The following CADM2 variants were observed in gnomAD, a reference collection of about 807,000 sequenced individuals.
The protein encoded by CADM2 is cell adhesion molecule 2, also known as immunoglobulin superfamily member 4D.
CADM2 carries 12 observed loss-of-function variants against 49.8 expected under a neutral mutation model. The observed-to-expected ratio is 0.24, with a 90% CI of 0.15 to 0.39. CADM2 has a LOEUF of 0.39. Ranked by LOEUF, CADM2 falls within the 10% of genes least tolerant of loss-of-function variation. The probability of loss-of-function intolerance (pLI) is 1.00; values close to 1 mark genes in which losing one functional copy is unlikely to be tolerated. For synonymous variants in CADM2, 214 were observed against 175.4 expected, an observed-to-expected ratio of 1.22 and a Z score of -1.74; for missense variants, 378 against 492.3, an observed-to-expected ratio of 0.77 and a Z score of 2.20.
intron 1 of CADM2, among the ~76,000 whole-genome samples, chr3:85,473,016 T>C (rs1275090964): frequency 6.6e-6 from 1 of 152,078 alleles, no homozygotes; most frequent in Non-Finnish European, 1.5e-5. Context: ...CTATCATATA[T>C]ATGTAATGAA....
rs372620986 is a variant in CADM2, at chr3:85,340,181, G to T, written c.61+380513G>T. Among the ~76,000 whole-genome samples the T allele has an allele frequency of 4.0e-5, 6 of 151,336 alleles. No homozygotes were observed. In the East Asian group the frequency reaches 9.7e-4, roughly 24 times the overall value. ...ACCTTAGCATTGCATACTTAAAAAA[G>T]CATTTCCTATAACTCTATGAATATA... On this transcript the variant is annotated intron_variant, in intron 1 of 9. Transcript: ENST00000383699.
intron 3 of CADM2, among the ~76,000 whole-genome samples, chr3:85,815,374 G>C (rs1559677633): frequency 6.6e-6 from 1 of 152,086 alleles, no homozygotes; most frequent in Admixed American, 6.6e-5. Flanking sequence ...GTATCCAGCA[G>C]CACATCAAAA....
At chr3:85,112,542 G>T (rs916820699) in intron 1 of CADM2, among the ~76,000 whole-genome samples, 3 of 151,656 alleles carry the variant, frequency 2.0e-5, no homozygotes, top group Non-Finnish European at 4.4e-5. Context: ...ATTTCACCCC[G>T]TATAAAGTTG....
chr3:85,744,800 G>C (rs2107837413), intron 2 of CADM2, among the ~76,000 whole-genome samples: 1 of 152,198 alleles, frequency 6.6e-6, no homozygotes, highest in South Asian at 2.1e-4. Context: ...TGAAATTGGT[G>C]GGGTAACAGG....
At chr3:85,004,366 A>G (rs943967341) in intron 1 of CADM2, among the ~76,000 whole-genome samples, 7 of 152,134 alleles carry the variant, frequency 4.6e-5, no homozygotes, top group African/African-American at 1.4e-4. Context: ...TTGTTCATTC[A>G]ATATTCACAA....
chr3:85,967,111 C>A lies in CADM2; in HGVS notation c.970+5464C>A, dbSNP rs1160541679. On this transcript the variant is annotated intron_variant, in intron 8 of 9. Coordinates refer to ENST00000383699, the MANE Select transcript of CADM2 (RefSeq NM_001167675.2). Reference sequence around the variant, plus strand: ...ATAAATGTCAAAAAACACTCAAAGACAGAAAATCGTACACATAGATATTAT... The same window carrying A: ...ATAAATGTCAAAAAACACTCAAAGAAAGAAAATCGTACACATAGATATTAT... Among the ~76,000 whole-genome samples the A allele has an allele frequency of 4.0e-5, 6 of 151,574 alleles. No individual in the cohort carries two copies. The Admixed American group carries it at 4.0e-4, about 10-fold the overall frequency.
chr3:85,971,248 C>G (rs1198844353), intron 8 of CADM2, among the ~76,000 whole-genome samples: 1 of 151,504 alleles, frequency 6.6e-6, no homozygotes, highest in Non-Finnish European at 1.5e-5. Context: ...ACGTCATGTG[C>G]AAACGTTTTT....
chr3:85,731,577 G>T (rs968127350), intron 2 of CADM2, among the ~76,000 whole-genome samples: 1 of 151,958 alleles, frequency 6.6e-6, no homozygotes. Context: ...GTAGTCCTAG[G>T]TAAGTCCCAA....
chr3:85,860,983 CA>C (rs2075509626), intron 3 of CADM2, among the ~76,000 whole-genome samples: 1 of 152,112 alleles, frequency 6.6e-6, no homozygotes, highest in Non-Finnish European at 1.5e-5. Context: ...AGGGGGACAG[CA>C]GTGTGACATG....
intron 2 of CADM2, among the ~76,000 whole-genome samples, chr3:85,727,073 A>G (rs766160032): frequency 6.6e-6 from 1 of 152,110 alleles, no homozygotes; most frequent in Non-Finnish European, 1.5e-5. Flanking sequence ...TAAAAGATGC[A>G]CATGTCCAAC....
At chr3:85,479,557 C>T (rs1004796193) in intron 1 of CADM2, among the ~76,000 whole-genome samples, 10 of 151,876 alleles carry the variant, frequency 6.6e-5, no homozygotes, top group African/African-American at 1.7e-4. Flanking sequence ...ATTCAGATTC[C>T]GATTTGTCTC....
chr3:85,979,862 T>C (rs13327074), intron 8 of CADM2, among the ~76,000 whole-genome samples: 14,815 of 151,668 alleles, frequency 0.098, 876 homozygotes, highest in Non-Finnish European at 0.13. Flanking sequence ...TAAAAGTAAA[T>C]ATCTGTTGTC....
At chr3:85,829,991 C>G in intron 3 of CADM2, among the ~76,000 whole-genome samples, 1 of 151,934 alleles carries the variant, frequency 6.6e-6, no homozygotes, top group East Asian at 1.9e-4. Context: ...GTGCAGATAT[C>G]TCTTCCACAT....
chr3:85,795,000 G>A (rs1457490227), intron 2 of CADM2, among the ~76,000 whole-genome samples: 1 of 151,810 alleles, frequency 6.6e-6, no homozygotes, highest in Non-Finnish European at 1.5e-5. Flanking sequence ...TGTTTTTGGG[G>A]TACAATGTGA....
intron 1 of CADM2, among the ~76,000 whole-genome samples, chr3:85,011,058 G>T (rs544691479): frequency 6.6e-6 from 1 of 151,440 alleles, no homozygotes; most frequent in Non-Finnish European, 1.5e-5. Flanking sequence ...TAGAGACGGG[G>T]TTTCACCGTG....
At chr3:85,335,022 T>C (rs563113170) in intron 1 of CADM2, among the ~76,000 whole-genome samples, 1 of 151,584 alleles carries the variant, frequency 6.6e-6, no homozygotes, top group Admixed American at 6.6e-5. Flanking sequence ...AACAGTCATA[T>C]TAAAATATTT....
At chr3:85,631,714 A>G (rs1182578555) in intron 1 of CADM2, among the ~76,000 whole-genome samples, 1 of 152,150 alleles carries the variant, frequency 6.6e-6, no homozygotes, top group Non-Finnish European at 1.5e-5. Context: ...AATCATTTAA[A>G]TTTTAGTGTA....
chr3:85,426,611 A>G (rs963420593), intron 1 of CADM2, among the ~76,000 whole-genome samples: 7 of 152,160 alleles, frequency 4.6e-5, no homozygotes, highest in Non-Finnish European at 8.8e-5. Flanking sequence ...CTCAAGCATT[A>G]TCTTTTGTGT....
At position 85,568,448 on chromosome 3, in the gene CADM2, T is replaced by TTTCA. The variant is rs1491480432; in HGVS notation, c.62-158071_62-158070insATTC. 1.1e-3 allele frequency among the ~76,000 whole-genome samples: 38 copies of TTTCA among 34,580 alleles called. 6 individuals carry two copies. The Middle Eastern group carries it at 0.061, about 55-fold the overall frequency. The allele number at this position is 34,580 out of a possible 152,430, so 22.7% of individuals were successfully genotyped here. Reference sequence around the variant, plus strand: ...CTTTCTTTCTTTCTTTCTTTCTTTCTTTCTTTCTTTCTTTCTCTTTCTCTC... The same window carrying TTTCA: ...CTTTCTTTCTTTCTTTCTTTCTTTCTTTCATTCTTTCTTTCTTTCTCTTTCTCTC... On this transcript the variant is annotated intron_variant, in intron 1 of 9. Transcript: ENST00000383699.
Sources: allele counts gnomAD v4.1 joint callset (sites outside exome capture counted in the v4.1 genomes callset), GRCh38; gene constraint gnomAD v4.1.1; transcripts MANE v1.5; gene names NCBI Gene and HGNC (gene_info 2026-07-23, HGNC 2026-07-21).